Variants in ROBO1 observed in about 807,000 individuals in gnomAD.
The protein encoded by ROBO1 is roundabout homolog 1.
ROBO1 carries 149 observed loss-of-function variants against 195.9 expected under a neutral mutation model. The observed-to-expected ratio is 0.76, with a 90% CI of 0.67 to 0.87. The LOEUF is 0.87. ROBO1 is among the 40% of genes least tolerant of loss of function. ROBO1 has a pLI of 0.00. For missense variants in ROBO1, 1,933 were observed against 2,068.3 expected (o/e 0.93, Z 1.27); for synonymous variants, 816 against 733.2 (o/e 1.11, Z -1.82).
At chr3:79,163,715 GT>G (rs2081014200) in intron 2 of ROBO1, among the ~76,000 whole-genome samples, 1 of 151,960 alleles carries the variant, frequency 6.6e-6, no homozygotes, top group African/African-American at 2.4e-5. Context: ...TGTTGTTGTT[GT>G]TTTTTATAGA....
At chr3:78,974,456 T>G (rs1261163671) in intron 3 of ROBO1, among the ~76,000 whole-genome samples, 1 of 152,132 alleles carries the variant, frequency 6.6e-6, no homozygotes, top group African/African-American at 2.4e-5. Context: ...GACCAGTCGA[T>G]TAGTCAGCTT....
intron 28 of ROBO1, 84 bp downstream of exon 28, chr3:78,614,561 ACGT>A: frequency 2.2e-6 from 3 of 1,370,300 alleles, no homozygotes; most frequent in Non-Finnish European, 3.0e-6. Context: ...GTAATTTCTA[ACGT>A]CAGTGAATGC....
chr3:79,223,632 T>G (rs1488371031), intron 2 of ROBO1, among the ~76,000 whole-genome samples: 3 of 152,176 alleles, frequency 2.0e-5, no homozygotes, highest in Non-Finnish European at 4.4e-5. Flanking sequence ...CTTTCCAGGA[T>G]TGGACAGGCA....
intron 3 of ROBO1, among the ~76,000 whole-genome samples, chr3:78,971,999 C>T (rs1160165197): frequency 1.3e-5 from 2 of 152,202 alleles, no homozygotes; most frequent in African/African-American, 4.8e-5. Flanking sequence ...AACTCCTGAC[C>T]TTGTGATCTG....
chr3:78,799,313 G>A (rs958754832), intron 4 of ROBO1, among the ~76,000 whole-genome samples: 1 of 151,502 alleles, frequency 6.6e-6, no homozygotes, highest in Non-Finnish European at 1.5e-5. Flanking sequence ...TAGAAAGTGA[G>A]TTCACCTACT....
rs186449501 is a variant in ROBO1, at chr3:79,631,495, T to C, written c.-50-41534A>G. 1.4e-3 allele frequency among the ~76,000 whole-genome samples: 214 copies of C among 152,136 alleles called. 1 individual carries two copies. The highest frequency in any genetic ancestry group is 5.2e-3 in the Admixed American group (79 of 15,256). On this transcript the variant is annotated intron_variant, in intron 1 of 30. Transcript: ENST00000464233. ...TATAGAAAAAATAACTTGAGATGGATTAAAGACTTAATTATAAGACCTGAA... is the reference window on the plus strand; with the variant it reads ...TATAGAAAAAATAACTTGAGATGGACTAAAGACTTAATTATAAGACCTGAA...
intron 2 of ROBO1, among the ~76,000 whole-genome samples, chr3:79,160,697 A>G (rs1041121945): frequency 1.3e-5 from 2 of 152,090 alleles, no homozygotes; most frequent in African/African-American, 4.8e-5. Context: ...GGTTTTATTT[A>G]GAAACCTCAT....
intron 4 of ROBO1, among the ~76,000 whole-genome samples, chr3:78,797,391 T>C (rs564461764): frequency 1.3e-4 from 20 of 152,310 alleles, no homozygotes; most frequent in African/African-American, 4.8e-4. Context: ...ATACACAGTA[T>C]TGTTATGAAC....
chr3:78,689,624 T>C (rs1204133719), intron 8 of ROBO1, among the ~76,000 whole-genome samples: 2 of 152,146 alleles, frequency 1.3e-5, no homozygotes, highest in African/African-American at 4.8e-5. Flanking sequence ...CTTTTCCAAT[T>C]CATTTCGTAT....
intron 4 of ROBO1, among the ~76,000 whole-genome samples, chr3:78,799,435 G>C (rs978197303): frequency 3.3e-5 from 5 of 151,710 alleles, no homozygotes; most frequent in Non-Finnish European, 7.4e-5. Context: ...TCTGCCTCCC[G>C]GGTTCACGCC....
chr3:78,963,835 AG>A (rs2041534257), intron 3 of ROBO1, among the ~76,000 whole-genome samples: 2 of 152,126 alleles, frequency 1.3e-5, no homozygotes, highest in African/African-American at 4.8e-5. Context: ...TTCTTTAAGA[AG>A]GTCATGAATA....
chr3:79,291,044 C>T (rs1211445866), intron 2 of ROBO1, among the ~76,000 whole-genome samples: 2 of 152,176 alleles, frequency 1.3e-5, no homozygotes, highest in African/African-American at 4.8e-5. Flanking sequence ...TACATTTGAA[C>T]CTTGACATCA....
At chr3:79,728,109 T>C (rs1053163950) in intron 1 of ROBO1, among the ~76,000 whole-genome samples, 2 of 131,404 alleles carry the variant, frequency 1.5e-5, no homozygotes, top group Non-Finnish European at 3.2e-5. Context: ...TGTAAATATA[T>C]GTATTTATTT....
intron 3 of ROBO1, among the ~76,000 whole-genome samples, chr3:78,948,689 A>C (rs555366960): frequency 6.6e-6 from 1 of 152,306 alleles, no homozygotes; most frequent in South Asian, 2.1e-4. Context: ...AGAAGGAAAA[A>C]AGGGTATTCA....
Position 78,667,912 on chromosome 3 carries a change from C to A in ROBO1, c.1937G>T (p.Ser646Ile). 1 of 1,613,610 alleles carries A rather than the reference C, an allele frequency of 6.2e-7. No homozygotes were observed. The highest frequency in any genetic ancestry group is 8.5e-7 in the Non-Finnish European group (1 of 1,179,684). ...AANAYGISDP[S>I]QISDPVKTQD... ...TGTTTTCACTGGATCTGATATTTGG[C>A]TTGGATCACTAATTCCATATGCATT... The change falls in exon 14 of 31, where the codon AGC becomes ATC. Residue 646 changes from serine to isoleucine, a missense_variant. Ser to Ile is a moderately radical substitution (Grantham distance 142). Transcript: ENST00000464233.
intron 8 of ROBO1, among the ~76,000 whole-genome samples, chr3:78,694,486 T>C (rs1416932561): frequency 6.6e-6 from 1 of 152,220 alleles, no homozygotes; most frequent in African/African-American, 2.4e-5. Context: ...GAAACATTTT[T>C]AATTCATACG....
intron 1 of ROBO1, among the ~76,000 whole-genome samples, chr3:79,763,447 G>A (rs1016079243): frequency 2.0e-5 from 3 of 152,070 alleles, no homozygotes; most frequent in Non-Finnish European, 2.9e-5. Flanking sequence ...ACAGCAATAG[G>A]GTTGGAATAA....
chr3:79,312,394 T>C (rs979273689), intron 2 of ROBO1, among the ~76,000 whole-genome samples: 2 of 152,214 alleles, frequency 1.3e-5, no homozygotes, highest in African/African-American at 2.4e-5. Flanking sequence ...AGTATAGGTG[T>C]TCATTGTCAA....
chr3:79,704,272 G>A (rs1947704065), intron 1 of ROBO1, among the ~76,000 whole-genome samples: 2 of 151,882 alleles, frequency 1.3e-5, no homozygotes, highest in African/African-American at 4.8e-5. Flanking sequence ...ATTTATAACA[G>A]CATGAATCCA....
Sources: gnomAD v4.1 joint callset for allele counts (sites outside exome capture counted in the v4.1 genomes callset) on GRCh38, gnomAD v4.1.1 for gene constraint, MANE v1.5 for transcripts, NCBI Gene and HGNC (gene_info 2026-07-23, HGNC 2026-07-21) for gene names.